The following FBLN2 variants were observed in gnomAD, a reference collection of about 807,000 sequenced individuals.
FBLN2 encodes the protein fibulin-2.
In FBLN2, 81 loss-of-function variants were observed where a neutral mutation model predicts 123.7. The ratio of observed to expected loss-of-function variants is 0.65; its 90% confidence interval spans 0.55 to 0.79. The LOEUF (loss-of-function observed/expected upper bound fraction) is 0.79, where lower values mean the gene tolerates loss of function less well. FBLN2 is among the 30% of genes least tolerant of loss of function. FBLN2 has a pLI of 0.00. For missense variants in FBLN2, 1,603 were observed against 1,681.3 expected, an observed-to-expected ratio of 0.95 and a Z score of 0.81; for synonymous variants, 699 against 701.4, an observed-to-expected ratio of 1.00 and a Z score of 0.05.
At chr3:13,559,382 G>A (rs1458863275) in intron 1 of FBLN2, among the ~76,000 whole-genome samples, 2 of 151,914 alleles carry the variant, frequency 1.3e-5, no homozygotes, top group South Asian at 2.1e-4. Flanking sequence ...ATGAGCAGGT[G>A]CCAGCCTCTG....
At chr3:13,603,312 T>C (rs1360324307) in intron 2 of FBLN2, among the ~76,000 whole-genome samples, 10 of 151,782 alleles carry the variant, frequency 6.6e-5, no homozygotes, top group African/African-American at 2.4e-4. Flanking sequence ...TATGTATACA[T>C]GTGCCATGTT....
chr3:13,571,992 C>G (rs183903839), intron 2 of FBLN2, among the ~76,000 whole-genome samples: 1 of 152,178 alleles, frequency 6.6e-6, no homozygotes, highest in African/African-American at 2.4e-5. Context: ...TGCCTCAGCC[C>G]GGTAGGCCCC....
chr3:13,635,684 C>G (rs1706436318), intron 16 of FBLN2, among the ~76,000 whole-genome samples: 1 of 152,134 alleles, frequency 6.6e-6, no homozygotes, highest in African/African-American at 2.4e-5. Context: ...GGAGTCGGGA[C>G]TTGCAAGTGA....
At chr3:13,569,508 T>G (rs1574948760) in intron 1 of FBLN2, among the ~76,000 whole-genome samples, 3 of 135,250 alleles carry the variant, frequency 2.2e-5, no homozygotes, top group South Asian at 2.4e-4. Context: ...GTAGAGACCG[T>G]GGGGAGGGAG....
intron 2 of FBLN2, among the ~76,000 whole-genome samples, chr3:13,576,806 C>G (rs1704162037): frequency 6.6e-6 from 1 of 151,576 alleles, no homozygotes; most frequent in Non-Finnish European, 1.5e-5. Flanking sequence ...CCCTTGGGCT[C>G]TGCAGAGAAT....
chr3:13,607,911 G>C (rs1705260769), intron 2 of FBLN2, 151 bp from the exon 3 acceptor site: 1 of 629,138 alleles, frequency 1.6e-6, no homozygotes, highest in Non-Finnish European at 2.8e-6. Context: ...ACCAAAGACA[G>C]TTGTGTTGTG....
chr3:13,588,437 C>T (rs1274521435), intron 2 of FBLN2, among the ~76,000 whole-genome samples: 3 of 152,232 alleles, frequency 2.0e-5, no homozygotes, highest in Non-Finnish European at 4.4e-5. Flanking sequence ...AGCTGCCAGG[C>T]GGAGGCACGG....
At chr3:13,559,023 G>T (rs1280549795) in intron 1 of FBLN2, among the ~76,000 whole-genome samples, 1 of 152,028 alleles carries the variant, frequency 6.6e-6, no homozygotes, top group Non-Finnish European at 1.5e-5. Flanking sequence ...GACAACAGAG[G>T]GGGATGGGTT....
intron 8 of FBLN2, among the ~76,000 whole-genome samples, chr3:13,620,768 A>C (rs1272246414): frequency 6.6e-6 from 1 of 152,220 alleles, no homozygotes; most frequent in Non-Finnish European, 1.5e-5. Flanking sequence ...AACAGAGTCA[A>C]GTCTGCCTGG....
chr3:13,614,601 T>TCCATCCATCCATCCAC (rs1553621251), intron 5 of FBLN2, among the ~76,000 whole-genome samples: 121 of 108,860 alleles, frequency 1.1e-3, no homozygotes, highest in African/African-American at 5.2e-3. Flanking sequence ...CATCCATCCA[T>TCCATCCATCCATCCAC]CCATCCACCC....
chr3:13,566,785 T>G (rs1703759881), intron 1 of FBLN2, among the ~76,000 whole-genome samples: 1 of 152,242 alleles, frequency 6.6e-6, no homozygotes, highest in Admixed American at 6.5e-5. Flanking sequence ...ACCTGAATTT[T>G]TATGTGAACG....
chr3:13,629,226 C>G lies in FBLN2; in HGVS notation c.2776C>G (p.Pro926Ala). Residue 926 changes from proline (P) to alanine (A), a missense_variant, in exon 13 of 18, where the codon CCT becomes GCT. Physicochemically the swap from Pro to Ala is conservative, Grantham distance 27. Coordinates refer to ENST00000404922, the MANE Select transcript of FBLN2 (RefSeq NM_001004019.2). ...TGAGGGCCAAGTGTGCCACAACCTCCCTGGCTCCTACCGCTGTGACTGCAA... is the reference window on the plus strand; with the variant it reads ...TGAGGGCCAAGTGTGCCACAACCTCGCTGGCTCCTACCGCTGTGACTGCAA... ...CGEGQVCHNL[P>A]GSYRCDCKAG... 1 of 1,613,384 alleles carries G rather than the reference C, an allele frequency of 6.2e-7. No individual in the cohort carries two copies. The highest frequency in any genetic ancestry group is 8.5e-7 in the Non-Finnish European group (1 of 1,179,778).
chr3:13,599,248 A>G (rs1486866732), intron 2 of FBLN2, among the ~76,000 whole-genome samples: 4 of 152,200 alleles, frequency 2.6e-5, no homozygotes, highest in Non-Finnish European at 4.4e-5. Context: ...GAAGTTAGGG[A>G]GACCCTCTCT....
In FBLN2 at chr3:13,614,107, C is replaced by T. The variant is rs1705496476; in HGVS notation, c.1672C>T (p.Pro558Ser). 6.2e-7 allele frequency: 1 copy of T among 1,613,478 alleles called. No individual in the cohort carries two copies. The highest frequency in any genetic ancestry group is 1.3e-5 in the African/African-American group (1 of 74,918). ...VMLSCCEGEE[P>S]LIVPEVRRPP... Reference sequence around the variant, plus strand: ...GCTCTCCTGCTGTGAGGGTGAAGAGCCTCTCATAGTACCTGAGGTTCGCCG... The same window carrying T: ...GCTCTCCTGCTGTGAGGGTGAAGAGTCTCTCATAGTACCTGAGGTTCGCCG... The change falls in exon 5 of 18, where the codon CCT (proline) becomes TCT (serine). Residue 558 changes from proline to serine, a missense_variant. By Grantham distance (74) the Pro-to-Ser change is moderately conservative (BLOSUM62 -1). Coordinates refer to ENST00000404922, the MANE Select transcript of FBLN2 (RefSeq NM_001004019.2).
chr3:13,583,855 C>A (rs538955089), intron 2 of FBLN2, among the ~76,000 whole-genome samples: 2 of 152,208 alleles, frequency 1.3e-5, no homozygotes, highest in Non-Finnish European at 2.9e-5. Context: ...CTTCCAGCCC[C>A]GTCCTCTAGC....
intron 1 of FBLN2, 77 bp downstream of exon 1, chr3:13,549,285 C>T (rs1395741572): frequency 1.1e-6 from 1 of 915,548 alleles, no homozygotes; most frequent in East Asian, 1.2e-4. Context: ...CGGGGGCGCT[C>T]GGACGCACCG....
Position 13,637,590 on chromosome 3 carries a change from T to C in FBLN2, c.3367T>C (p.Phe1123Leu). The C allele has an allele frequency of 1.2e-6, 2 of 1,612,246 alleles. No individual in the cohort carries two copies. The highest frequency in any genetic ancestry group is 1.7e-6 in the Non-Finnish European group (2 of 1,178,718). ...TKCERTTCHD[F>L]LECQNSPARI... ...GTGCGAGCGCACCACGTGCCATGAC[T>C]TCCTGGAGTGCCAGAACTCGCCAGC... is the stretch of plus-strand genomic sequence containing the variant. The change falls in exon 18 of 18, where the codon TTC becomes CTC. Residue 1123 changes from phenylalanine (F) to leucine (L), a missense_variant. By Grantham distance (22) the Phe-to-Leu change is conservative. Coordinates refer to ENST00000404922, the MANE Select transcript of FBLN2 (RefSeq NM_001004019.2).
intron 1 of FBLN2, among the ~76,000 whole-genome samples, chr3:13,567,808 A>T (rs1703794317): frequency 6.6e-6 from 1 of 151,416 alleles, no homozygotes; most frequent in African/African-American, 2.4e-5. Context: ...GTTAAAAAAA[A>T]TTAGCTGGGT....
At chr3:13,627,359 A>G (rs541869324) in intron 10 of FBLN2, among the ~76,000 whole-genome samples, 7 of 152,262 alleles carry the variant, frequency 4.6e-5, no homozygotes, top group African/African-American at 1.7e-4. Flanking sequence ...GTGTGAACAC[A>G]TGACCTTACC....
Sources: allele counts gnomAD v4.1 joint callset (sites outside exome capture counted in the v4.1 genomes callset), GRCh38; gene constraint gnomAD v4.1.1; transcripts MANE v1.5; gene names NCBI Gene and HGNC (gene_info 2026-07-23, HGNC 2026-07-21).